Variants in CELF2 observed in about 807,000 individuals in gnomAD.
CELF2 encodes the protein CUG triplet repeat RNA-binding protein 2.
A neutral mutation model predicts 62.6 loss-of-function variants in CELF2; 8 were observed. The observed-to-expected ratio is 0.13, with a 90% CI of 0.07 to 0.23. The LOEUF (loss-of-function observed/expected upper bound fraction) is 0.23, where lower values mean the gene tolerates loss of function less well. Ranked by LOEUF, CELF2 falls within the 10% of genes least tolerant of loss-of-function variation. The pLI, the probability that CELF2 is intolerant of heterozygous loss-of-function variation, is 1.00. For missense variants in CELF2, 333 were observed against 671.0 expected (o/e 0.50, Z 5.56); for synonymous variants, 258 against 250.0 (o/e 1.03, Z -0.30).
the CELF2 span, among the ~76,000 whole-genome samples, chr10:10,587,125 A>T: frequency 6.6e-6 from 1 of 152,156 alleles, no homozygotes; most frequent in South Asian, 2.1e-4. Flanking sequence ...TTGTCATGCT[A>T]CTATTTGGTG....
the CELF2 span, among the ~76,000 whole-genome samples, chr10:10,688,175 C>G: frequency 6.6e-6 from 1 of 152,198 alleles, no homozygotes; most frequent in Non-Finnish European, 1.5e-5. Context: ...AACATGACAG[C>G]CGATGGACTA....
At position 11,165,119 on chromosome 10, in the gene CELF2, G is replaced by C; in HGVS notation, c.75-367G>C. On this transcript the variant is annotated intron_variant, in intron 1 of 12. Transcript: ENST00000633077. The surrounding 1 kb of genome is among the most constrained non-coding windows in gnomAD (Gnocchi z 7.4). Reference sequence around the variant, plus strand: ...TGCCTTTCTTTCCCAGCCACAGCCAGGGTAGGGCTGATAAGGCGCTGATGC... The same window carrying C: ...TGCCTTTCTTTCCCAGCCACAGCCACGGTAGGGCTGATAAGGCGCTGATGC... 2 of 1,037,242 alleles carry C rather than the reference G, an allele frequency of 1.9e-6. No homozygotes were observed. The highest frequency in any genetic ancestry group is 1.2e-6 in the Non-Finnish European group (1 of 861,732). 64.3% of individuals were successfully genotyped at this position (1,037,242 alleles called of 1,614,324 possible).
chr10:10,544,157 C>A, the CELF2 span, among the ~76,000 whole-genome samples: 1 of 152,306 alleles, frequency 6.6e-6, no homozygotes, highest in Non-Finnish European at 1.5e-5. Context: ...AAATTGGAAT[C>A]TAATGTAAAA....
chr10:10,721,361 G>C, the CELF2 span, among the ~76,000 whole-genome samples: 1 of 152,158 alleles, frequency 6.6e-6, no homozygotes, highest in African/African-American at 2.4e-5. Context: ...GATACACTTG[G>C]AATTTAGAAG....
At chr10:11,163,619 G>A (rs1212075370) in intron 1 of CELF2, among the ~76,000 whole-genome samples, 24 of 152,168 alleles carry the variant, frequency 1.6e-4, no homozygotes, top group Admixed American at 1.5e-3. Context: ...ATTTTATTCA[G>A]CAGAACATTT....
chr10:10,769,774 T>TAAG, the CELF2 span, among the ~76,000 whole-genome samples: 1 of 151,660 alleles, frequency 6.6e-6, no homozygotes, highest in Non-Finnish European at 1.5e-5. Flanking sequence ...CAAAAAATAA[T>TAAG]AATAATAATA....
chr10:11,266,223 C>T (rs1368092952), intron 5 of CELF2, among the ~76,000 whole-genome samples: 2 of 151,954 alleles, frequency 1.3e-5, no homozygotes, highest in Non-Finnish European at 2.9e-5. Context: ...GTGTGAATGC[C>T]CTCAGTAAAG....
the CELF2 span, among the ~76,000 whole-genome samples, chr10:10,477,597 G>A: frequency 0.017 from 2,618 of 152,122 alleles, 70 homozygotes; most frequent in African/African-American, 0.06. Flanking sequence ...TTTCTAGGCC[G>A]AGTGCTGTTA....
At chr10:10,612,822 T>C in the CELF2 span, among the ~76,000 whole-genome samples, 2 of 152,176 alleles carry the variant, frequency 1.3e-5, no homozygotes, top group South Asian at 2.1e-4. Flanking sequence ...AGATGACTGG[T>C]CACTTCATCC....
At chr10:10,527,077 T>A in the CELF2 span, among the ~76,000 whole-genome samples, 1 of 152,240 alleles carries the variant, frequency 6.6e-6, no homozygotes, top group Non-Finnish European at 1.5e-5. Context: ...ATTCGGTTGA[T>A]CTTCTTTCAC....
chr10:11,089,439 A>T (rs1381242229), intron 1 of CELF2, among the ~76,000 whole-genome samples: 1 of 152,242 alleles, frequency 6.6e-6, no homozygotes, highest in Non-Finnish European at 1.5e-5. Context: ...GATAGTGGCC[A>T]GAGATAAGCG....
chr10:11,000,719 C>G (rs2054431202), upstream of CELF2, among the ~76,000 whole-genome samples: 1 of 152,198 alleles, frequency 6.6e-6, no homozygotes, highest in African/African-American at 2.4e-5. Context: ...TTTAGCAATG[C>G]TACTGGTGTC....
At chr10:10,696,085 G>C in the CELF2 span, among the ~76,000 whole-genome samples, 1 of 152,028 alleles carries the variant, frequency 6.6e-6, no homozygotes, top group Non-Finnish European at 1.5e-5. Context: ...GAGGTGCTCT[G>C]CTTTTTAGAG....
rs375528838 is a variant in CELF2 at position 11,320,342 on chromosome 10, A to G, written c.1097-847A>G. On this transcript the variant is annotated intron_variant, in intron 10 of 12. Transcript: ENST00000633077. Reference sequence around the variant, plus strand: ...TAGCCAAGGTCCAGCCCATAGACACACCTCTGTCTCCGGCTGACTGAAAAA... The same window carrying G: ...TAGCCAAGGTCCAGCCCATAGACACGCCTCTGTCTCCGGCTGACTGAAAAA... 5.4e-4 allele frequency among the ~76,000 whole-genome samples: 82 copies of G among 152,200 alleles called. No homozygotes were observed. In the South Asian group the frequency reaches 7.0e-3, roughly 13 times the overall value.
the CELF2 span, among the ~76,000 whole-genome samples, chr10:10,748,348 A>G: frequency 6.6e-6 from 1 of 152,198 alleles, no homozygotes; most frequent in Admixed American, 6.5e-5. Flanking sequence ...CCCCGAAAAT[A>G]TGCACAAATA....
chr10:10,597,828 C>T, the CELF2 span, among the ~76,000 whole-genome samples: 1 of 152,142 alleles, frequency 6.6e-6, no homozygotes, highest in Non-Finnish European at 1.5e-5. Context: ...GATAAAGCAA[C>T]ACATTTGTCC....
chr10:10,966,039 G>A (rs1234761697), intron 2 of CELF2, among the ~76,000 whole-genome samples: 2 of 152,212 alleles, frequency 1.3e-5, no homozygotes, highest in African/African-American at 4.8e-5. Context: ...TGCTTCCAAA[G>A]GGAAAACTTT....
intron 1 of CELF2, among the ~76,000 whole-genome samples, chr10:10,913,690 C>T (rs570660618): frequency 9.2e-4 from 140 of 151,604 alleles, no homozygotes; most frequent in African/African-American, 3.3e-3. Flanking sequence ...TGCACCCAGC[C>T]TGTAATGATG....
chr10:11,239,138 C>T (rs942744554), intron 3 of CELF2, among the ~76,000 whole-genome samples: 1 of 152,160 alleles, frequency 6.6e-6, no homozygotes, highest in African/African-American at 2.4e-5. Context: ...CAAATTCCCT[C>T]ATAGAATTCC....
Sources: allele counts gnomAD v4.1 joint callset (sites outside exome capture counted in the v4.1 genomes callset), GRCh38; gene constraint gnomAD v4.1.1; non-coding constraint Gnocchi (gnomAD v3.1); transcripts MANE v1.5; gene names NCBI Gene and HGNC (gene_info 2026-07-23, HGNC 2026-07-21).